Variants in ASPH observed in about 807,000 individuals in gnomAD.
ASPH encodes the protein aspartyl/asparaginyl beta-hydroxylase.
A neutral mutation model predicts 118.4 loss-of-function variants in ASPH; 100 were observed. The ratio of observed to expected loss-of-function variants is 0.84; its 90% CI spans 0.72 to 1.00. ASPH has a LOEUF of 1.00. Among genes scored for constraint, ASPH ranks in the 50% least tolerant of loss-of-function variants. The pLI is 0.00. For synonymous variants in ASPH, 315 were observed against 325.6 expected (o/e 0.97, Z 0.35); for missense variants, 920 against 919.5 (o/e 1.00, Z -0.01).
intron 14 of ASPH, among the ~76,000 whole-genome samples, chr8:61,600,659 G>A (rs964297245): frequency 1.5e-4 from 23 of 151,166 alleles, no homozygotes; most frequent in African/African-American, 5.4e-4. Flanking sequence ...AATAAATTTA[G>A]CCAAGAAGGT....
intron 1 of ASPH, among the ~76,000 whole-genome samples, chr8:61,689,326 A>T (rs1313555822): frequency 1.3e-5 from 2 of 152,110 alleles, no homozygotes; most frequent in African/African-American, 4.8e-5. Context: ...TTTTATATAA[A>T]ATCTAAATAT....
intron 22 of ASPH, among the ~76,000 whole-genome samples, chr8:61,520,788 G>A (rs1258253883): frequency 6.6e-6 from 1 of 152,192 alleles, no homozygotes; most frequent in Non-Finnish European, 1.5e-5. Context: ...ACAACCATAG[G>A]TGGCCTGGAG....
At chr8:61,682,546 TC>T in intron 2 of ASPH, 1 of 1,457,728 alleles carries the variant, frequency 6.9e-7, no homozygotes, top group South Asian at 1.1e-5. Context: ...ACTTAAAGTG[TC>T]CTCTTTTAAG....
chr8:61,648,093 C>A (rs1365156954), intron 5 of ASPH, among the ~76,000 whole-genome samples: 3 of 152,140 alleles, frequency 2.0e-5, no homozygotes, highest in African/African-American at 7.2e-5. Context: ...TGACTGTGGG[C>A]AAATTACTTA....
intron 13 of ASPH, among the ~76,000 whole-genome samples, chr8:61,620,681 C>T (rs1011470319): frequency 5.3e-5 from 8 of 152,170 alleles, no homozygotes; most frequent in Non-Finnish European, 1.2e-4. Flanking sequence ...TGAAGAAAAG[C>T]ATAAAAAATT....
chr8:61,714,305 T>A lies in ASPH; in HGVS notation c.67A>T (p.Thr23Ser), dbSNP rs1488281920. ...CCGGGGCTGCTGCTGCCCGCACTCG[T>A]GCTACCGCTGCCGGAGCCGCTGCTG... ...SSSSGSGSGS[T>S]SAGSSSPGAR... is the part of the protein sequence containing the mutation. The change falls in exon 1 of 25, where the codon ACG becomes TCG. Residue 23 changes from threonine to serine, a missense_variant. Thr to Ser is a moderately conservative substitution (Grantham distance 58). Transcript: ENST00000379454. 6.6e-7 allele frequency: 1 copy of A among 1,522,556 alleles called. No homozygotes were observed. Among genetic ancestry groups the A allele is most frequent in the Non-Finnish European group, 8.8e-7 (1 of 1,136,108 alleles). The allele number at this position is 1,522,556 out of a possible 1,614,324, so 94.3% of individuals were successfully genotyped here.
intron 21 of ASPH, among the ~76,000 whole-genome samples, chr8:61,529,892 T>C (rs1005417186): frequency 6.6e-6 from 1 of 152,236 alleles, no homozygotes; most frequent in African/African-American, 2.4e-5. Context: ...ATCTCATTCA[T>C]GAATGTTTTG....
chr8:61,601,991 C>T (rs1275819560), intron 14 of ASPH, among the ~76,000 whole-genome samples: 2 of 151,334 alleles, frequency 1.3e-5, no homozygotes, highest in Admixed American at 1.3e-4. Context: ...TAAAAACTTT[C>T]CAAACACAAA....
At chr8:61,664,951 A>T in intron 3 of ASPH, 1 of 1,114,760 alleles carries the variant, frequency 9.0e-7, no homozygotes, top group Non-Finnish European at 1.1e-6. Flanking sequence ...AACGTCAATG[A>T]AAGTATTCAA....
intron 14 of ASPH, among the ~76,000 whole-genome samples, chr8:61,604,082 T>G (rs1844885940): frequency 6.6e-6 from 1 of 152,194 alleles, no homozygotes; most frequent in Admixed American, 6.5e-5. Flanking sequence ...TACAGCCAGA[T>G]TATGGGGTGC....
intron 13 of ASPH, among the ~76,000 whole-genome samples, chr8:61,629,481 G>A (rs1854564434): frequency 1.3e-5 from 2 of 151,586 alleles, no homozygotes; most frequent in African/African-American, 4.9e-5. Context: ...GCTAATGGAT[G>A]AGAAATTCCA....
At chr8:61,699,345 T>C (rs570485278) in intron 1 of ASPH, among the ~76,000 whole-genome samples, 73 of 152,344 alleles carry the variant, frequency 4.8e-4, no homozygotes, top group Admixed American at 1.0e-3. Context: ...GTGAATCTCA[T>C]ATTTCAATCT....
At chr8:61,633,839 C>A in intron 12 of ASPH, 112 bp from the exon 13 acceptor site, 1 of 715,562 alleles carries the variant, frequency 1.4e-6, no homozygotes, top group South Asian at 2.5e-5. Context: ...TTAAACAATT[C>A]AATTGAAATT....
chr8:61,585,779 G>A (rs1159824513), intron 14 of ASPH, among the ~76,000 whole-genome samples: 1 of 152,132 alleles, frequency 6.6e-6, no homozygotes, highest in Non-Finnish European at 1.5e-5. Context: ...GCCAGAGGAG[G>A]GAAGGCTGTG....
intron 24 of ASPH, among the ~76,000 whole-genome samples, chr8:61,505,755 G>T (rs757913745): frequency 1.6e-4 from 24 of 152,286 alleles, no homozygotes; most frequent in Middle Eastern, 3.4e-3. Flanking sequence ...GCAAAAGACA[G>T]AAATCTATGG....
chr8:61,661,862 T>C, intron 3 of ASPH: 2 of 424,660 alleles, frequency 4.7e-6, no homozygotes, highest in Non-Finnish European at 8.4e-6. Flanking sequence ...GATTGATTTA[T>C]GTCAATTTCA....
At chr8:61,579,823 C>A (rs1223920452) in intron 15 of ASPH, among the ~76,000 whole-genome samples, 1 of 151,604 alleles carries the variant, frequency 6.6e-6, no homozygotes, top group Non-Finnish European at 1.5e-5. Context: ...TACCTGGGGA[C>A]CCCCCTTGCC....
At chr8:61,530,403 C>T (rs4416815) in intron 21 of ASPH, among the ~76,000 whole-genome samples, 97,388 of 151,932 alleles carry the variant, frequency 0.64, 35,558 homozygotes, top group Non-Finnish European at 0.82. Context: ...TACACCTTAG[C>T]TATATTTTTC....
At chr8:61,579,888 C>T (rs1311308913) in intron 15 of ASPH, among the ~76,000 whole-genome samples, 2 of 144,966 alleles carry the variant, frequency 1.4e-5, no homozygotes, top group Non-Finnish European at 3.0e-5. Context: ...AAAATAAAAC[C>T]TCAGCTAGCT....
Sources: gnomAD v4.1 joint callset for allele counts (sites outside exome capture counted in the v4.1 genomes callset) on GRCh38, gnomAD v4.1.1 for gene constraint, MANE v1.5 for transcripts, NCBI Gene and HGNC (gene_info 2026-07-23, HGNC 2026-07-21) for gene names.